DHX8: variants seen among roughly 807,000 people sequenced by gnomAD.
DHX8 encodes the protein ATP-dependent RNA helicase DHX8.
A neutral mutation model predicts 140.7 loss-of-function variants in DHX8; 67 were observed. The ratio of observed to expected loss-of-function variants is 0.48; its 90% CI spans 0.39 to 0.58. DHX8 has a LOEUF of 0.58. Ranked by LOEUF, DHX8 falls within the 20% of genes least tolerant of loss-of-function variation. DHX8 has a pLI of 0.00. For synonymous variants in DHX8, 533 were observed against 553.2 expected (o/e 0.96, Z 0.51); for missense variants, 887 against 1,550.7 (o/e 0.57, Z 7.19).
chr17:43,521,251 T>TCA, intron 20 of DHX8, 118 bp from the exon 21 acceptor site: 2 of 834,524 alleles, frequency 2.4e-6, no homozygotes, highest in East Asian at 5.4e-5. Flanking sequence ...GCCTGAGCCA[T>TCA]CATGCCTAGC....
intron 21 of DHX8, 74 bp downstream of exon 21, chr17:43,521,639 G>A: frequency 1.4e-6 from 2 of 1,448,576 alleles, no homozygotes; most frequent in Non-Finnish European, 1.9e-6. Context: ...ATCTCTGTGT[G>A]TACCTATAAA....
chr17:43,520,409 C>A, intron 19 of DHX8, 142 bp downstream of exon 19: 1 of 1,091,110 alleles, frequency 9.2e-7, no homozygotes, highest in Non-Finnish European at 1.3e-6. Flanking sequence ...ACCTGAATTT[C>A]TCCACTGTCA....
chr17:43,531,596 C>T (rs1209267367), downstream of DHX8, among the ~76,000 whole-genome samples: 5 of 152,110 alleles, frequency 3.3e-5, no homozygotes, highest in East Asian at 3.9e-4. Flanking sequence ...CCCAGCTATT[C>T]GGGAGGCTGA....
chr17:43,520,688 C>T (rs549643827), intron 19 of DHX8, 63 bp from the exon 20 acceptor site: 2 of 1,608,250 alleles, frequency 1.2e-6, no homozygotes, highest in South Asian at 1.1e-5. Context: ...CAAGGTCTTG[C>T]TCTGGTGAAT....
intron 12 of DHX8, among the ~76,000 whole-genome samples, chr17:43,506,193 A>G (rs1969485115): frequency 1.3e-5 from 2 of 151,892 alleles, no homozygotes; most frequent in South Asian, 2.1e-4. Context: ...TTTTGTAGAG[A>G]TGCGGTCTCA....
chr17:43,529,862 C>A (rs1393545390), downstream of DHX8: 1 of 1,613,500 alleles, frequency 6.2e-7, no homozygotes, highest in Non-Finnish European at 8.5e-7. Flanking sequence ...TTGACCCTCC[C>A]ATCAACAGTC....
chr17:43,519,476 G>A (rs569489567), intron 18 of DHX8: 1 of 149,616 alleles, frequency 6.7e-6, no homozygotes, highest in Non-Finnish European at 1.5e-5. Context: ...TCCTTTTGCT[G>A]TTGAGTTGTA....
rs1969541483 is a variant in DHX8 at position 43,507,138 on chromosome 17, G to A, written c.1864G>A (p.Ala622Thr). 6.2e-7 allele frequency: 1 copy of A among 1,614,002 alleles called. No individual in the cohort carries two copies. Among genetic ancestry groups the A allele is most frequent in the African/African-American group, 1.3e-5 (1 of 74,894 alleles). ...TGGGTGTACCCAGCCCAGAAGAGTGGCAGCTATGTCGGTGGCCAAAAGAGT... is the reference window on the plus strand; with the variant it reads ...TGGGTGTACCCAGCCCAGAAGAGTGACAGCTATGTCGGTGGCCAAAAGAGT... ...KIGCTQPRRV[A>T]AMSVAKRVSE... is the part of the protein sequence containing the mutation. The change falls in exon 13 of 23, where the codon GCA (alanine) becomes ACA (threonine). Residue 622 changes from alanine (A) to threonine (T), a missense_variant. By Grantham distance (58) the Ala-to-Thr change is moderately conservative. This residue lies in a region of DHX8 where 178 missense variants were observed against 398.5 expected (regional missense o/e 0.45). Coordinates refer to ENST00000262415, the MANE Select transcript of DHX8 (RefSeq NM_004941.3).
downstream of DHX8, chr17:43,526,849 T>A (rs1416650682): frequency 2.1e-6 from 1 of 477,000 alleles, no homozygotes; most frequent in African/African-American, 2.0e-5. Flanking sequence ...ATATTTTGTG[T>A]TTCTAGGAAG....
chr17:43,526,149 C>T, downstream of DHX8: 1 of 985,326 alleles, frequency 1.0e-6, no homozygotes, highest in Non-Finnish European at 1.2e-6. Flanking sequence ...GGGTCCTGTC[C>T]AGATGCAGAA....
chr17:43,499,484 C>T (rs1246800804), intron 10 of DHX8, among the ~76,000 whole-genome samples: 3 of 152,200 alleles, frequency 2.0e-5, no homozygotes, highest in Non-Finnish European at 2.9e-5. Context: ...GTGTTCTTCT[C>T]ATATGGTCAT....
chr17:43,490,718 A>G (rs540487167), intron 3 of DHX8, among the ~76,000 whole-genome samples: 2 of 152,098 alleles, frequency 1.3e-5, no homozygotes, highest in African/African-American at 2.4e-5. Context: ...ACAAAAAAAT[A>G]AAAAAATTAG....
At chr17:43,530,263 C>T (rs752934085), downstream of DHX8, 4 of 1,537,622 alleles carry the variant, frequency 2.6e-6, no homozygotes, top group Admixed American at 8.1e-5. Context: ...TATCCACATT[C>T]AAGAATTTCT....
chr17:43,507,546 C>T lies in DHX8; in HGVS notation c.1967C>T (p.Thr656Ile). The change falls in exon 14 of 23, where the codon ACA becomes ATA. Residue 656 changes from threonine to isoleucine, a missense_variant. This residue lies in a region of DHX8 where 178 missense variants were observed against 398.5 expected (regional missense o/e 0.45). Coordinates refer to ENST00000262415, the MANE Select transcript of DHX8 (RefSeq NM_004941.3). ...TTTGAGGACTGCACTAGCCCTGAAA[C>T]AGTCATCAAGTACATGACAGATGGG... ...IRFEDCTSPE[T>I]VIKYMTDGML... The T allele has an allele frequency of 6.2e-7, 1 of 1,614,164 alleles. No individual in the cohort carries two copies. The highest frequency in any genetic ancestry group is 8.5e-7 in the Non-Finnish European group (1 of 1,180,032).
downstream of DHX8, chr17:43,526,658 G>A: frequency 6.5e-7 from 1 of 1,528,156 alleles, no homozygotes; most frequent in Non-Finnish European, 8.8e-7. Context: ...TCTTTCCCTG[G>A]ATGCTGCTTC....
intron 2 of DHX8, 146 bp from the exon 3 acceptor site, chr17:43,490,245 A>C (rs1328370684): frequency 3.2e-6 from 2 of 616,906 alleles, no homozygotes; most frequent in Non-Finnish European, 5.7e-6. Flanking sequence ...ATGCTACACC[A>C]GGTTGACACA....
chr17:43,497,687 C>T (rs1968943259), intron 9 of DHX8, among the ~76,000 whole-genome samples: 1 of 151,616 alleles, frequency 6.6e-6, no homozygotes, highest in Non-Finnish European at 1.5e-5. Flanking sequence ...CCTGGGAGGT[C>T]GAGGGTGCAG....
chr17:43,508,136 T>C (rs1268357768), intron 15 of DHX8, 117 bp downstream of exon 15: 5 of 1,166,980 alleles, frequency 4.3e-6, no homozygotes, highest in Non-Finnish European at 4.8e-6. Flanking sequence ...TAAATATTCA[T>C]CTCTCTGCAA....
At chr17:43,514,263 T>G (rs1370720680) in intron 17 of DHX8, among the ~76,000 whole-genome samples, 2 of 152,154 alleles carry the variant, frequency 1.3e-5, no homozygotes, top group Non-Finnish European at 2.9e-5. Context: ...GAGGATCACT[T>G]GAGCCCAGGA....
Sources: allele counts gnomAD v4.1 joint callset (sites outside exome capture counted in the v4.1 genomes callset), GRCh38; gene constraint gnomAD v4.1.1; regional missense constraint gnomAD v4.1.1; transcripts MANE v1.5; gene names NCBI Gene and HGNC (gene_info 2026-07-23, HGNC 2026-07-21).